PEX14: variants seen among roughly 807,000 people sequenced by gnomAD.
PEX14 encodes the protein peroxisomal biogenesis factor 14.
Under a neutral mutation model 49.5 loss-of-function variants are expected in PEX14, and 15 were observed. The observed-to-expected ratio is 0.30, with a 90% confidence interval of 0.20 to 0.47. The LOEUF is 0.47. PEX14 is among the 20% of genes least tolerant of loss of function. The pLI, the probability that PEX14 is intolerant of heterozygous loss-of-function variation, is 1.00. For synonymous variants in PEX14, 210 were observed against 212.7 expected, an observed-to-expected ratio of 0.99 and a Z score of 0.11; for missense variants, 398 against 494.8, an observed-to-expected ratio of 0.80 and a Z score of 1.86.
intron 1 of PEX14, among the ~76,000 whole-genome samples, chr1:10,492,630 G>A (rs1641491260): frequency 6.6e-6 from 1 of 152,222 alleles, no homozygotes; most frequent in African/African-American, 2.4e-5. Flanking sequence ...CTAGCAAATG[G>A]AGTAGAGGAA....
chr1:10,572,594 G>A (rs575748645), intron 3 of PEX14, among the ~76,000 whole-genome samples: 1 of 152,242 alleles, frequency 6.6e-6, no homozygotes, highest in African/African-American at 2.4e-5. Flanking sequence ...GAGTGCGGTG[G>A]CGCAATCTCA....
chr1:10,619,144 A>G (rs1641520422), intron 5 of PEX14, among the ~76,000 whole-genome samples: 1 of 152,126 alleles, frequency 6.6e-6, no homozygotes, highest in Non-Finnish European at 1.5e-5. Context: ...ACAGAACTGC[A>G]GGCATGACGT....
intron 1 of PEX14, among the ~76,000 whole-genome samples, chr1:10,484,693 T>A (rs1025188443): frequency 2.0e-5 from 3 of 151,640 alleles, no homozygotes; most frequent in African/African-American, 7.3e-5. Context: ...ACCAGGCTAC[T>A]ATTGAGAAAT....
rs1639472651 is a variant in PEX14 at position 10,555,830 on chromosome 1, T to C, written c.169+19533T>C. On this transcript the variant is annotated intron_variant, in intron 3 of 8. Coordinates refer to ENST00000356607, the MANE Select transcript of PEX14 (RefSeq NM_004565.3). The stretch of plus-strand genomic sequence containing the variant: ...CCGGGCCTCACCTGTGGCCGGGCGT[T>C]GCATCATAACAGCAGAACTTGCTTC... Among the ~76,000 whole-genome samples the C allele has an allele frequency of 1.3e-5, 2 of 152,214 alleles. 1 individual carries two copies. Among genetic ancestry groups the C allele is most frequent in the South Asian group, 4.1e-4 (2 of 4,828 alleles).
intron 3 of PEX14, among the ~76,000 whole-genome samples, chr1:10,553,987 G>A (rs1315016664): frequency 6.6e-6 from 1 of 152,100 alleles, no homozygotes; most frequent in Non-Finnish European, 1.5e-5. Flanking sequence ...AATCAGTGGA[G>A]TCAGAAGTTT....
chr1:10,544,808 C>T (rs965209017), intron 3 of PEX14, among the ~76,000 whole-genome samples: 2 of 151,674 alleles, frequency 1.3e-5, no homozygotes, highest in African/African-American at 2.4e-5. Flanking sequence ...GTCACCTAGG[C>T]TGGAGTGCAG....
intron 2 of PEX14, among the ~76,000 whole-genome samples, chr1:10,531,073 T>C (rs1245123216): frequency 6.6e-6 from 1 of 151,662 alleles, no homozygotes; most frequent in Non-Finnish European, 1.5e-5. Flanking sequence ...AGCCCGGCAT[T>C]GTGAATGGTA....
At chr1:10,543,616 G>A (rs1194752939) in intron 3 of PEX14, among the ~76,000 whole-genome samples, 1 of 152,150 alleles carries the variant, frequency 6.6e-6, no homozygotes, top group Non-Finnish European at 1.5e-5. Context: ...GAGGAGCTGG[G>A]GTTAGGACCC....
At position 10,512,052 on chromosome 1, in the gene PEX14, C is replaced by T. The variant is rs531051916; in HGVS notation, c.84+16731C>T. 9.9e-5 allele frequency among the ~76,000 whole-genome samples: 15 copies of T among 152,264 alleles called. No homozygotes were observed. The South Asian group carries it at 2.7e-3, about 27-fold the overall frequency. On this transcript the variant is annotated intron_variant, in intron 2 of 8. Coordinates refer to ENST00000356607, the MANE Select transcript of PEX14 (RefSeq NM_004565.3). The surrounding 1 kb of genome is among the most constrained non-coding windows in gnomAD (Gnocchi z 4.6). Reference sequence around the variant, plus strand: ...TTGGCTCACTGCACGCTCCGCCTCCCGGGTTTACGCCATTCTCCTGCCTCA... The same window carrying T: ...TTGGCTCACTGCACGCTCCGCCTCCTGGGTTTACGCCATTCTCCTGCCTCA...
At chr1:10,527,522 A>AG (rs1384912085) in intron 2 of PEX14, among the ~76,000 whole-genome samples, 1 of 151,580 alleles carries the variant, frequency 6.6e-6, no homozygotes, top group East Asian at 1.9e-4. Flanking sequence ...TCTCAAAAAA[A>AG]AAAAAAAAGA....
intron 2 of PEX14, among the ~76,000 whole-genome samples, chr1:10,535,043 C>T (rs1401027202): frequency 6.6e-6 from 1 of 152,234 alleles, no homozygotes; most frequent in African/African-American, 2.4e-5. Flanking sequence ...TAGAAAACTT[C>T]CTTACATCTA....
chr1:10,550,853 A>G (rs1639314212), intron 3 of PEX14, among the ~76,000 whole-genome samples: 1 of 152,202 alleles, frequency 6.6e-6, no homozygotes, highest in Admixed American at 6.5e-5. Context: ...TACAGAGGTT[A>G]CTTAGTTCGT....
chr1:10,491,855 A>AT (rs974116200), intron 1 of PEX14, among the ~76,000 whole-genome samples: 5 of 150,632 alleles, frequency 3.3e-5, no homozygotes, highest in African/African-American at 7.3e-5. Flanking sequence ...TTATTTTTGC[A>AT]TTTTTTTTGT....
Position 10,618,227 on chromosome 1 carries a change from T to C in PEX14, c.299-105T>C, listed in dbSNP as rs759197408. 75 of 808,044 alleles carry C rather than the reference T, an allele frequency of 9.3e-5. 1 individual carries two copies. Among genetic ancestry groups the C allele is most frequent in the Non-Finnish European group, 1.5e-4 (72 of 465,278 alleles). The allele number at this position is 808,044 out of a possible 1,614,324, so 50.1% of individuals were successfully genotyped here. A position where few individuals can be genotyped will look rare whatever the true frequency, so the allele number is the denominator to read the frequency against. On this transcript the variant is annotated intron_variant, in intron 4 of 8. Coordinates refer to ENST00000356607, the MANE Select transcript of PEX14 (RefSeq NM_004565.3). ...TGCGTTGGAGTGTTCCACTTGCCCA[T>C]TGTTGGAGGCGAGGAGACTGTGCCA...
At chr1:10,546,563 CAAAAAA>C (rs35214823) in intron 3 of PEX14, among the ~76,000 whole-genome samples, 1 of 47,772 alleles carries the variant, frequency 2.1e-5, no homozygotes, top group African/African-American at 9.1e-5. Context: ...GACTCTGTTT[CAAAAAA>C]AAAAAAAAAA....
chr1:10,550,798 C>G (rs990856063), intron 3 of PEX14, among the ~76,000 whole-genome samples: 1 of 152,196 alleles, frequency 6.6e-6, no homozygotes, highest in Admixed American at 6.5e-5. Context: ...CGCCTGTGCT[C>G]TCCCCTTGAA....
rs114772576 is a variant in PEX14, at chr1:10,614,435, C to T, written c.299-3897C>T. Among the ~76,000 whole-genome samples, 908 of 151,956 alleles carry T rather than the reference C, an allele frequency of 6.0e-3. 5 individuals are homozygous for T. Among genetic ancestry groups the T allele is most frequent in the Middle Eastern group, 0.048 (14 of 290 alleles). On this transcript the variant is annotated intron_variant, in intron 4 of 8. Coordinates refer to ENST00000356607, the MANE Select transcript of PEX14 (RefSeq NM_004565.3). Reference sequence around the variant, plus strand: ...GTGAAGGGTGAGGCTGCAGGGACCACAGGTGTTTCTTGGGGCTGGAATAGC... The same window carrying T: ...GTGAAGGGTGAGGCTGCAGGGACCATAGGTGTTTCTTGGGGCTGGAATAGC...
intron 2 of PEX14, among the ~76,000 whole-genome samples, chr1:10,535,057 T>G (rs1347152223): frequency 6.6e-6 from 1 of 152,262 alleles, no homozygotes; most frequent in Non-Finnish European, 1.5e-5. Flanking sequence ...ACATCTAGCC[T>G]TAGAAATTTT....
At chr1:10,570,427 T>C (rs552506613) in intron 3 of PEX14, among the ~76,000 whole-genome samples, 1 of 151,832 alleles carries the variant, frequency 6.6e-6, no homozygotes, top group African/African-American at 2.4e-5. Context: ...CCACCTCCCG[T>C]GTTCAAGCGA....
Sources: allele counts gnomAD v4.1 joint callset (sites outside exome capture counted in the v4.1 genomes callset), GRCh38; gene constraint gnomAD v4.1.1; non-coding constraint Gnocchi (gnomAD v3.1); transcripts MANE v1.5; gene names NCBI Gene and HGNC (gene_info 2026-07-23, HGNC 2026-07-21).